The following FAM222B variants were observed in gnomAD, a reference collection of about 807,000 sequenced individuals.
FAM222B encodes the protein protein FAM222B.
Under a neutral mutation model 38.0 loss-of-function variants are expected in FAM222B, and 12 were observed. The observed-to-expected ratio is 0.32, with a 90% CI of 0.20 to 0.51. The LOEUF is 0.51. Ranked by LOEUF, FAM222B falls within the 20% of genes least tolerant of loss-of-function variation. The pLI, the probability that FAM222B is intolerant of heterozygous loss-of-function variation, is 0.97. For missense variants in FAM222B, 716 were observed against 754.2 expected, an observed-to-expected ratio of 0.95 and a Z score of 0.59; for synonymous variants, 329 against 317.2, an observed-to-expected ratio of 1.04 and a Z score of -0.40.
chr17:28,770,560 G>A (rs2035576303), intron 1 of FAM222B, among the ~76,000 whole-genome samples: 1 of 149,208 alleles, frequency 6.7e-6, no homozygotes, highest in Non-Finnish European at 1.5e-5. Context: ...GCACCACCAT[G>A]CCCAGCTAAT....
chr17:28,766,382 G>A (rs1225200138), intron 2 of FAM222B, among the ~76,000 whole-genome samples: 2 of 152,020 alleles, frequency 1.3e-5, no homozygotes, highest in African/African-American at 2.4e-5. Context: ...TAACCCGGGA[G>A]GGAGAGGTTG....
chr17:28,756,383 A>C lies in FAM222B; in HGVS notation c.*1887T>G, dbSNP rs1006473088. 2 of 152,586 alleles carry C rather than the reference A, an allele frequency of 1.3e-5. No individual in the cohort carries two copies. The highest frequency in any genetic ancestry group is 2.4e-5 in the African/African-American group (1 of 41,400). The allele number at this position is 152,586 out of a possible 1,614,324, so 9.5% of individuals were successfully genotyped here. On this transcript the variant is annotated 3_prime_UTR_variant, in exon 3 of 3. Transcript: ENST00000581407. ...TGAGGTTGTTTGACTTAAAGCCCCCAAGTTGGTGTCTGGTCCAGTTTCCTA... is the reference window on the plus strand; with the variant it reads ...TGAGGTTGTTTGACTTAAAGCCCCCCAGTTGGTGTCTGGTCCAGTTTCCTA...
intron 1 of FAM222B, among the ~76,000 whole-genome samples, chr17:28,771,313 T>C (rs1288095180): frequency 6.6e-6 from 1 of 152,180 alleles, no homozygotes; most frequent in Non-Finnish European, 1.5e-5. Flanking sequence ...TCTTTTTACC[T>C]TTCAGTGTGT....
intron 1 of FAM222B, among the ~76,000 whole-genome samples, chr17:28,835,651 A>T (rs2038819056): frequency 6.6e-6 from 1 of 152,136 alleles, no homozygotes; most frequent in African/African-American, 2.4e-5. Flanking sequence ...TAAATCTTTT[A>T]AACAAAACAG....
intron 1 of FAM222B, among the ~76,000 whole-genome samples, chr17:28,778,227 T>C (rs754215763): frequency 6.6e-6 from 1 of 151,904 alleles, no homozygotes; most frequent in Non-Finnish European, 1.5e-5. Flanking sequence ...CATTAGTATT[T>C]GTCCTAATGC....
chr17:28,793,155 T>A (rs1280443489), intron 1 of FAM222B, among the ~76,000 whole-genome samples: 1 of 151,942 alleles, frequency 6.6e-6, no homozygotes, highest in East Asian at 1.9e-4. Flanking sequence ...AGGCTGGTCT[T>A]GAACTCTTGG....
At chr17:28,816,933 G>A (rs1394587446) in intron 1 of FAM222B, among the ~76,000 whole-genome samples, 1 of 151,848 alleles carries the variant, frequency 6.6e-6, no homozygotes, top group Non-Finnish European at 1.5e-5. Context: ...GACACTACAG[G>A]GGAGTATAAA....
At chr17:28,841,411 G>A (rs955386927) in intron 1 of FAM222B, among the ~76,000 whole-genome samples, 1 of 152,184 alleles carries the variant, frequency 6.6e-6, no homozygotes, top group Non-Finnish European at 1.5e-5. Flanking sequence ...GTCTCGCACT[G>A]TCACCCGAAC....
At chr17:28,804,241 T>C (rs926767552) in intron 1 of FAM222B, among the ~76,000 whole-genome samples, 3 of 152,108 alleles carry the variant, frequency 2.0e-5, no homozygotes, top group Non-Finnish European at 4.4e-5. Flanking sequence ...GACAGCATAT[T>C]GTGGAACTTC....
intron 1 of FAM222B, among the ~76,000 whole-genome samples, chr17:28,818,801 G>T (rs2038118581): frequency 6.6e-6 from 1 of 152,124 alleles, no homozygotes; most frequent in Admixed American, 6.6e-5. Context: ...GTAGCACATG[G>T]TAGAAAAAGT....
intron 1 of FAM222B, among the ~76,000 whole-genome samples, chr17:28,818,886 T>C (rs186350096): frequency 2.7e-4 from 41 of 152,328 alleles, no homozygotes; most frequent in Admixed American, 7.2e-4. Context: ...CGAGCATGAT[T>C]TGGCATCTTT....
chr17:28,792,290 C>T (rs1196357792), intron 1 of FAM222B, among the ~76,000 whole-genome samples: 1 of 141,050 alleles, frequency 7.1e-6, no homozygotes, highest in African/African-American at 2.6e-5. Context: ...CCTGCCTGGG[C>T]GACCCAGCAA....
At chr17:28,852,946 C>T (rs924125977) in intron 1 of FAM222B, among the ~76,000 whole-genome samples, 9 of 152,036 alleles carry the variant, frequency 5.9e-5, no homozygotes, top group African/African-American at 1.2e-4. Flanking sequence ...GTAATCCCAG[C>T]GCATTGGGAG....
intron 1 of FAM222B, among the ~76,000 whole-genome samples, chr17:28,853,807 G>A (rs529039609): frequency 1.3e-5 from 2 of 152,084 alleles, no homozygotes; most frequent in Middle Eastern, 3.4e-3. Context: ...CTGGAAGATC[G>A]CTTGAACCCA....
intron 1 of FAM222B, chr17:28,834,300 A>G (rs2038765748): frequency 6.6e-6 from 1 of 152,208 alleles, no homozygotes; most frequent in South Asian, 2.1e-4. Flanking sequence ...TACCTGGTTT[A>G]AAAACTCTTC....
intron 1 of FAM222B, among the ~76,000 whole-genome samples, chr17:28,813,388 A>G (rs2037888905): frequency 6.6e-6 from 1 of 152,120 alleles, no homozygotes; most frequent in Non-Finnish European, 1.5e-5. Flanking sequence ...AAATAAATGC[A>G]ATGTGTGATT....
intron 1 of FAM222B, chr17:28,766,984 G>A: frequency 6.5e-6 from 2 of 307,508 alleles, no homozygotes; most frequent in Non-Finnish European, 1.2e-5. Context: ...AAGTACAGGT[G>A]CATTTATAAT....
At position 28,758,493 on chromosome 17, in the gene FAM222B, G is replaced by A. The variant is rs200556838; in HGVS notation, c.1466C>T (p.Ala489Val). ...QPTGAPLDCA[A>V]APGAHYRAGT... ...TGCTCGGTAGTGGGCCCCGGGAGCT[G>A]CCGCACAGTCGAGGGGTGCACCTGT... is the stretch of plus-strand genomic sequence containing the variant. The change falls in exon 3 of 3, where the codon GCA (alanine) becomes GTA (valine). Residue 489 changes from alanine (A) to valine (V), a missense_variant. By Grantham distance (64) the Ala-to-Val change is moderately conservative (BLOSUM62 0). Transcript: ENST00000581407. 47 of 1,612,864 alleles carry A rather than the reference G, an allele frequency of 2.9e-5. No homozygotes were observed. The East Asian group carries it at 9.6e-4, about 33-fold the overall frequency.
intron 1 of FAM222B, among the ~76,000 whole-genome samples, chr17:28,791,285 G>A (rs1452233494): frequency 6.6e-6 from 1 of 151,834 alleles, no homozygotes; most frequent in Non-Finnish European, 1.5e-5. Context: ...AGATGAGAGT[G>A]GTCTGTTAGC....
Sources: gnomAD v4.1 joint callset for allele counts (sites outside exome capture counted in the v4.1 genomes callset) on GRCh38, gnomAD v4.1.1 for gene constraint, MANE v1.5 for transcripts, NCBI Gene and HGNC (gene_info 2026-07-23, HGNC 2026-07-21) for gene names.